The following NIBAN1 variants were observed in gnomAD, a reference collection of about 807,000 sequenced individuals.
NIBAN1 encodes the protein protein Niban 1.
In NIBAN1, 81 loss-of-function variants were observed where a neutral mutation model predicts 75.1. That is an observed-to-expected ratio of 1.08 (90% CI 0.90 to 1.30). The LOEUF (loss-of-function observed/expected upper bound fraction) is 1.30, where lower values mean the gene tolerates loss of function less well. NIBAN1 is among the 50% of genes most tolerant of loss of function. The pLI is 0.00. For missense variants in NIBAN1, 1,133 were observed against 1,128.1 expected (o/e 1.00, Z -0.06); for synonymous variants, 436 against 424.8 (o/e 1.03, Z -0.32).
chr1:184,860,818 C>A, intron 5 of NIBAN1, among the ~76,000 whole-genome samples: 1 of 152,178 alleles, frequency 6.6e-6, no homozygotes, highest in East Asian at 1.9e-4. Flanking sequence ...CCTCTTTCCA[C>A]AAACAGGAAA....
At chr1:184,867,901 C>T (rs1237275853) in intron 5 of NIBAN1, 5 of 985,286 alleles carry the variant, frequency 5.1e-6, no homozygotes, top group Admixed American at 6.1e-5. Context: ...TTTGTCTACC[C>T]CGTCACTTAA....
At chr1:184,892,004 G>A (rs1005673941) in intron 3 of NIBAN1, among the ~76,000 whole-genome samples, 2 of 152,166 alleles carry the variant, frequency 1.3e-5, no homozygotes, top group Non-Finnish European at 2.9e-5. Flanking sequence ...GCAGTGCAAT[G>A]TACAAACTGC....
At chr1:184,902,212 A>G (rs1656973456) in intron 1 of NIBAN1, among the ~76,000 whole-genome samples, 1 of 152,070 alleles carries the variant, frequency 6.6e-6, no homozygotes, top group Non-Finnish European at 1.5e-5. Context: ...CAGCCTGGGA[A>G]ACAGAGCAAG....
At chr1:184,863,161 A>G (rs1465455798) in intron 5 of NIBAN1, among the ~76,000 whole-genome samples, 1 of 152,180 alleles carries the variant, frequency 6.6e-6, no homozygotes, top group African/African-American at 2.4e-5. Context: ...TGACCTGTCC[A>G]ATGTTCTCTG....
chr1:184,926,872 G>A (rs536749609), intron 1 of NIBAN1, among the ~76,000 whole-genome samples: 1 of 152,128 alleles, frequency 6.6e-6, no homozygotes, highest in Non-Finnish European at 1.5e-5. Context: ...CTCTGATTGT[G>A]TATTTTCAAA....
intron 9 of NIBAN1, among the ~76,000 whole-genome samples, chr1:184,818,176 G>C: frequency 6.6e-6 from 1 of 151,520 alleles, no homozygotes; most frequent in Admixed American, 6.6e-5. Context: ...CTATATTTTT[G>C]AAAACAAACC....
intron 10 of NIBAN1, among the ~76,000 whole-genome samples, chr1:184,807,399 T>G (rs1654235010): frequency 6.6e-6 from 1 of 152,166 alleles, no homozygotes; most frequent in Non-Finnish European, 1.5e-5. Context: ...TGGTTTACTC[T>G]TAATTACGTT....
chr1:184,822,899 A>T (rs114451302), intron 8 of NIBAN1, among the ~76,000 whole-genome samples: 1 of 152,116 alleles, frequency 6.6e-6, no homozygotes, highest in Non-Finnish European at 1.5e-5. Context: ...GGGTGCTACA[A>T]TGGGGGTTGG....
intron 1 of NIBAN1, among the ~76,000 whole-genome samples, chr1:184,900,501 C>A (rs1656925045): frequency 6.6e-6 from 1 of 152,150 alleles, no homozygotes; most frequent in African/African-American, 2.4e-5. Flanking sequence ...CCAGAAACTG[C>A]AATATATTAA....
At chr1:184,908,981 C>A (rs537558215) in intron 1 of NIBAN1, among the ~76,000 whole-genome samples, 23 of 152,230 alleles carry the variant, frequency 1.5e-4, no homozygotes, top group African/African-American at 5.1e-4. Context: ...CATTAGACAA[C>A]CTTTCTTGGT....
intron 1 of NIBAN1, among the ~76,000 whole-genome samples, chr1:184,917,126 A>G (rs1388191750): frequency 1.3e-5 from 2 of 152,054 alleles, no homozygotes; most frequent in Non-Finnish European, 2.9e-5. Context: ...TCCGCTGCAG[A>G]CAAATGAGCC....
intron 6 of NIBAN1, among the ~76,000 whole-genome samples, chr1:184,827,125 C>T (rs561732250): frequency 7.2e-5 from 11 of 152,164 alleles, no homozygotes; most frequent in African/African-American, 1.7e-4. Context: ...GATTGTGAGG[C>T]CTCACCAGTA....
At chr1:184,841,652 C>G (rs1655290997) in intron 5 of NIBAN1, among the ~76,000 whole-genome samples, 1 of 152,106 alleles carries the variant, frequency 6.6e-6, no homozygotes, top group Non-Finnish European at 1.5e-5. Flanking sequence ...GATACTAGAA[C>G]CAGGGTTGTG....
chr1:184,859,356 G>A (rs145280901), intron 5 of NIBAN1, among the ~76,000 whole-genome samples: 395 of 152,226 alleles, frequency 2.6e-3, no homozygotes, highest in Non-Finnish European at 4.6e-3. Context: ...GCCTACCCAC[G>A]TTGATCAATA....
chr1:184,974,188 C>T, intron 1 of NIBAN1, 114 bp downstream of exon 1: 2 of 1,098,380 alleles, frequency 1.8e-6, no homozygotes, highest in Non-Finnish European at 2.4e-6. Flanking sequence ...GGTCGGGGAT[C>T]CCCGCGCGCT....
At chr1:184,945,749 CAGAT>C (rs1658204486) in intron 1 of NIBAN1, among the ~76,000 whole-genome samples, 1 of 152,242 alleles carries the variant, frequency 6.6e-6, no homozygotes, top group East Asian at 1.9e-4. Context: ...TTCTGATAGC[CAGAT>C]AGAGAGTCGC....
chr1:184,818,959 A>T (rs1654615822), intron 8 of NIBAN1, 134 bp from the exon 9 acceptor site: 3 of 931,278 alleles, frequency 3.2e-6, no homozygotes, highest in African/African-American at 3.3e-5. Context: ...GCCATGACAG[A>T]CTAGCACAAT....
At chr1:184,799,735 C>CTTTTTT (rs780273995) in intron 12 of NIBAN1, among the ~76,000 whole-genome samples, 3 of 49,802 alleles carry the variant, frequency 6.0e-5, no homozygotes, top group Non-Finnish European at 1.1e-4. Context: ...GATTGCCATT[C>CTTTTTT]TTTTTTTTTT....
intron 1 of NIBAN1, among the ~76,000 whole-genome samples, chr1:184,938,179 C>T (rs1436581508): frequency 2.6e-5 from 4 of 152,132 alleles, no homozygotes; most frequent in African/African-American, 9.7e-5. Flanking sequence ...GGGGAATGCA[C>T]ACACAAAATG....
Sources: allele counts gnomAD v4.1 joint callset (sites outside exome capture counted in the v4.1 genomes callset), GRCh38; gene constraint gnomAD v4.1.1; transcripts MANE v1.5; gene names NCBI Gene and HGNC (gene_info 2026-07-23, HGNC 2026-07-21).